The following ADAMTSL3 variants were observed in gnomAD, a reference collection of about 807,000 sequenced individuals.
The protein encoded by ADAMTSL3 is ADAMTS-like protein 3.
In ADAMTSL3, 128 loss-of-function variants were observed where a neutral mutation model predicts 201.7. That is an observed-to-expected ratio of 0.63 (90% confidence interval 0.55 to 0.73). The LOEUF is 0.73. Ranked by LOEUF, ADAMTSL3 falls within the 30% of genes least tolerant of loss-of-function variation. The probability of loss-of-function intolerance (pLI) is 0.00; values close to 1 mark genes in which losing one functional copy is unlikely to be tolerated. For missense variants in ADAMTSL3, 1,990 were observed against 2,119.6 expected (o/e 0.94, Z 1.20); for synonymous variants, 738 against 748.4 (o/e 0.99, Z 0.23).
intron 9 of ADAMTSL3, among the ~76,000 whole-genome samples, chr15:83,874,504 T>C (rs2065142048): frequency 1.4e-5 from 2 of 143,728 alleles, no homozygotes; most frequent in South Asian, 4.3e-4. Context: ...AATGACCCTT[T>C]AGCGGAGAGG....
chr15:83,950,341 C>T (rs749952170), intron 19 of ADAMTSL3, among the ~76,000 whole-genome samples: 1 of 152,032 alleles, frequency 6.6e-6, no homozygotes, highest in South Asian at 2.1e-4. Flanking sequence ...TCTCTGGGAT[C>T]TCTACTCTGT....
intron 3 of ADAMTSL3, among the ~76,000 whole-genome samples, chr15:83,707,594 T>G (rs962257012): frequency 1.3e-5 from 2 of 152,232 alleles, no homozygotes; most frequent in African/African-American, 4.8e-5. Flanking sequence ...TGAACCTCTT[T>G]CCGATCAATA....
intron 23 of ADAMTSL3, among the ~76,000 whole-genome samples, chr15:84,001,096 A>T (rs1201313215): frequency 6.6e-6 from 1 of 152,222 alleles, no homozygotes; most frequent in Non-Finnish European, 1.5e-5. Flanking sequence ...TGATTGGATT[A>T]TTGGACCCCA....
chr15:83,865,436 C>A (rs1370353163), intron 8 of ADAMTSL3, among the ~76,000 whole-genome samples: 2 of 152,126 alleles, frequency 1.3e-5, no homozygotes, highest in Non-Finnish European at 2.9e-5. Context: ...TGGGACAGAA[C>A]AGAGCCCTCA....
At chr15:83,926,906 C>T (rs916094839) in intron 17 of ADAMTSL3, among the ~76,000 whole-genome samples, 39 of 152,250 alleles carry the variant, frequency 2.6e-4, no homozygotes, top group African/African-American at 5.8e-4. Context: ...CATAAGCCAC[C>T]GCACCTGGCC....
chr15:83,740,602 A>C (rs2062438984), intron 3 of ADAMTSL3, among the ~76,000 whole-genome samples: 1 of 152,222 alleles, frequency 6.6e-6, no homozygotes, highest in Non-Finnish European at 1.5e-5. Flanking sequence ...GCAAAATAAC[A>C]CAAACGGACA....
intron 8 of ADAMTSL3, among the ~76,000 whole-genome samples, chr15:83,863,612 G>A (rs1278867441): frequency 6.6e-6 from 1 of 152,162 alleles, no homozygotes; most frequent in African/African-American, 2.4e-5. Context: ...CACATTCAAA[G>A]CAGTATGTAG....
intron 19 of ADAMTSL3, among the ~76,000 whole-genome samples, chr15:83,943,671 C>G (rs1046754006): frequency 1.3e-5 from 2 of 152,210 alleles, no homozygotes; most frequent in Non-Finnish European, 2.9e-5. Context: ...CTAAGCTCCA[C>G]AGCTGGAAAA....
At chr15:83,823,471 C>G (rs529401642) in intron 6 of ADAMTSL3, among the ~76,000 whole-genome samples, 1 of 152,210 alleles carries the variant, frequency 6.6e-6, no homozygotes, top group South Asian at 2.1e-4. Context: ...CTTCTAGTTG[C>G]TTATCCCAAA....
rs1188370656 is a variant in ADAMTSL3, at chr15:83,953,064, C to G, written c.2490+9982C>G. Among the ~76,000 whole-genome samples the G allele has an allele frequency of 2.6e-5, 4 of 152,102 alleles. No homozygotes were observed. In the East Asian group the frequency reaches 7.7e-4, roughly 29 times the overall value. ...GTAGGTAGGCAACAGATCAATGGCT[C>G]TTGTTTTTTCATCCATTCAGCCTTT... On this transcript the variant is annotated intron_variant, in intron 19 of 29. Transcript: ENST00000286744.
chr15:83,981,122 T>C (rs991170837), intron 20 of ADAMTSL3, among the ~76,000 whole-genome samples: 1 of 152,188 alleles, frequency 6.6e-6, no homozygotes, highest in African/African-American at 2.4e-5. Flanking sequence ...CACAATCTGC[T>C]CAGGAACCTA....
chr15:83,950,684 A>C (rs931338061), intron 19 of ADAMTSL3, among the ~76,000 whole-genome samples: 2 of 151,840 alleles, frequency 1.3e-5, no homozygotes, highest in African/African-American at 4.8e-5. Context: ...TTCTTTCATC[A>C]ATGTTTTATA....
rs865925224 is a variant in ADAMTSL3, at chr15:84,016,454, A to G, written c.4228A>G (p.Thr1410Ala). 4 of 1,613,952 alleles carry G rather than the reference A, an allele frequency of 2.5e-6. No individual in the cohort carries two copies. In the Admixed American group the frequency reaches 5.0e-5, roughly 20 times the overall value. ...AAAGTACATTCTCCAGGCAACCAAC[A>G]CTAGAACCAACAGCAATGACCCAAC... ...HKKYILQATN[T>A]RTNSNDPTGE... Residue 1410 changes from threonine to alanine, a missense_variant, in exon 25 of 30, where the codon ACT (threonine) becomes GCT (alanine). Coordinates refer to ENST00000286744, the MANE Select transcript of ADAMTSL3 (RefSeq NM_207517.3).
At chr15:83,811,696 G>T (rs1441321337) in intron 5 of ADAMTSL3, among the ~76,000 whole-genome samples, 4 of 152,182 alleles carry the variant, frequency 2.6e-5, no homozygotes. Flanking sequence ...AGATGCTTGG[G>T]GTAGAGTAGG....
chr15:83,697,290 A>G (rs1218585278), intron 2 of ADAMTSL3, among the ~76,000 whole-genome samples: 5 of 152,188 alleles, frequency 3.3e-5, no homozygotes, highest in Non-Finnish European at 7.3e-5. Context: ...CACTCAACAC[A>G]GCACTTGTGT....
intron 5 of ADAMTSL3, among the ~76,000 whole-genome samples, chr15:83,812,558 A>G (rs1010764317): frequency 1.3e-5 from 2 of 152,216 alleles, no homozygotes; most frequent in African/African-American, 4.8e-5. Context: ...GTCATCATCA[A>G]TGGCCAAACT....
chr15:84,027,749 A>G (rs1158877793), intron 27 of ADAMTSL3, among the ~76,000 whole-genome samples: 1 of 152,122 alleles, frequency 6.6e-6, no homozygotes, highest in Non-Finnish European at 1.5e-5. Flanking sequence ...ATGTCCACAC[A>G]AAAACTTGTA....
Position 83,899,659 on chromosome 15 carries a change from T to C in ADAMTSL3, c.1628T>C (p.Val543Ala). Residue 543 changes from valine (V) to alanine (A), a missense_variant, in exon 15 of 30, where the codon GTG becomes GCG. By Grantham distance (64) the Val-to-Ala change is moderately conservative. Transcript: ENST00000286744. ...CTCTTTTTCTTAGAAAAAAGTCCAG[T>C]GGAAGCAAAATTGCCTTGGCTGAAA... ...PCYKPKEKSP[V>A]EAKLPWLKQA... 1 of 1,611,698 alleles carries C rather than the reference T, an allele frequency of 6.2e-7. No homozygotes were observed. The highest frequency in any genetic ancestry group is 8.5e-7 in the Non-Finnish European group (1 of 1,178,472).
intron 3 of ADAMTSL3, among the ~76,000 whole-genome samples, chr15:83,708,351 C>T (rs967661541): frequency 1.3e-5 from 2 of 152,182 alleles, no homozygotes; most frequent in Admixed American, 6.5e-5. Context: ...ATCCTGGGCG[C>T]ATTTCATGAA....
Sources: gnomAD v4.1 joint callset for allele counts (sites outside exome capture counted in the v4.1 genomes callset) on GRCh38, gnomAD v4.1.1 for gene constraint, MANE v1.5 for transcripts, NCBI Gene and HGNC (gene_info 2026-07-23, HGNC 2026-07-21) for gene names.